The following GPM6B variants were observed in gnomAD, a reference collection of about 807,000 sequenced individuals.
GPM6B encodes the protein neuronal membrane glycoprotein M6-b.
In GPM6B, 4 loss-of-function variants were observed where a neutral mutation model predicts 27.2. The observed-to-expected ratio is 0.15, with a 90% CI of 0.07 to 0.34. The LOEUF (loss-of-function observed/expected upper bound fraction) is 0.34, where lower values mean the gene tolerates loss of function less well. GPM6B is among the 10% of genes least tolerant of loss of function. GPM6B has a pLI of 1.00. For synonymous variants in GPM6B, 124 were observed against 103.1 expected (o/e 1.20, Z -1.23); for missense variants, 183 against 261.9 (o/e 0.70, Z 2.08).
At chrX:13,775,508 G>A (rs888470196) in intron 7 of GPM6B, among the ~76,000 whole-genome samples, 1 of 112,493 alleles carries the variant, frequency 8.9e-6, no homozygotes, top group African/African-American at 3.2e-5. Flanking sequence ...CCCAAGCATA[G>A]TGCTGCAGTG....
rs952430649 is a variant in GPM6B, at chrX:13,784,054, A to C, written c.369-533T>G. The stretch of plus-strand genomic sequence containing the variant: ...TGTCTTTTGCACTGTGACTCCCACC[A>C]CACAAATAGTAGTAGGTCGAGTAGG... On this transcript the variant is annotated intron_variant, in intron 3 of 7. Transcript: ENST00000316715. 6.4e-5 allele frequency: 14 copies of C among 219,201 alleles called. No individual in the cohort carries two copies. The Admixed American group carries it at 8.2e-4, about 13-fold the overall frequency. 18.1% of individuals were successfully genotyped at this position (219,201 alleles called of 1,213,427 possible).
intron 1 of GPM6B, among the ~76,000 whole-genome samples, chrX:13,828,560 G>A (rs956997670): frequency 3.6e-5 from 4 of 111,797 alleles, no homozygotes; most frequent in African/African-American, 6.5e-5. Flanking sequence ...TGACTAATAC[G>A]CAAAGTCATC....
At position 13,771,445 on chromosome X, in the gene GPM6B, C is replaced by T. The variant is rs752969687; in HGVS notation, c.*1436G>A. 2.1e-4 allele frequency: 23 copies of T among 109,904 alleles called. No individual in the cohort carries two copies. Among genetic ancestry groups the T allele is most frequent in the African/African-American group, 7.0e-4 (21 of 30,212 alleles). 9.1% of individuals were successfully genotyped at this position (109,904 alleles called of 1,213,427 possible). ...TAGGCATTAACCAAAAAAGAGAATC[C>T]AAATGAAATATTATACTTGATGTTC... On this transcript the variant is annotated 3_prime_UTR_variant, in exon 8 of 8. Transcript: ENST00000316715.
At chrX:13,819,265 T>C (rs931414623), upstream of GPM6B, among the ~76,000 whole-genome samples, 1 of 112,541 alleles carries the variant, frequency 8.9e-6, no homozygotes, top group African/African-American at 3.2e-5. Context: ...TACCATTATA[T>C]CACTTTATAA....
rs758851689 is a variant in GPM6B, at chrX:13,771,613, G to A, written c.*1268C>T. 1 of 111,766 alleles carries A rather than the reference G, an allele frequency of 8.9e-6. No homozygotes were observed. The highest frequency in any genetic ancestry group is 9.6e-5 in the Admixed American group (1 of 10,469). The allele number at this position is 111,766 out of a possible 1,213,427, so 9.2% of individuals were successfully genotyped here. A position where few individuals can be genotyped will look rare whatever the true frequency, so the allele number is the denominator to read the frequency against. ...TACATAGTTAACCCTATAGTAAGCA[G>A]CCCCTTTGAAAAGCACTGATGCACC... On this transcript the variant is annotated 3_prime_UTR_variant, in exon 8 of 8. Transcript: ENST00000316715.
At chrX:13,920,288 AG>A (rs59381268) in intron 1 of GPM6B, among the ~76,000 whole-genome samples, 3,115 of 75,202 alleles carry the variant, frequency 0.041, 290 homozygotes, top group African/African-American at 0.1. Flanking sequence ...AAAAAAAAAA[AG>A]AAAGAAAGAA....
At chrX:13,801,918 T>G (rs373939834) in intron 2 of GPM6B, among the ~76,000 whole-genome samples, 80 of 111,026 alleles carry the variant, frequency 7.2e-4, no homozygotes, top group African/African-American at 2.5e-3. Context: ...AGCATTCCGT[T>G]TAGTACAAAA....
intron 1 of GPM6B, among the ~76,000 whole-genome samples, chrX:13,894,914 T>C (rs937991243): frequency 1.8e-5 from 2 of 112,121 alleles, no homozygotes; most frequent in Non-Finnish European, 3.8e-5. Flanking sequence ...TCTCTTATCC[T>C]CTCTGACAAC....
intron 1 of GPM6B, among the ~76,000 whole-genome samples, chrX:13,906,886 T>C (rs985127972): frequency 1.8e-5 from 2 of 112,095 alleles, no homozygotes; most frequent in East Asian, 5.6e-4. Flanking sequence ...AATTATGTGG[T>C]AGTTATGGGG....
chrX:13,899,015 A>G (rs762344030), intron 1 of GPM6B, among the ~76,000 whole-genome samples: 1 of 112,064 alleles, frequency 8.9e-6, no homozygotes, highest in Non-Finnish European at 1.9e-5. Flanking sequence ...ATAGGATGAA[A>G]ATGACTTCTT....
At chrX:13,871,942 G>A (rs1245603215) in intron 1 of GPM6B, among the ~76,000 whole-genome samples, 1 of 111,777 alleles carries the variant, frequency 8.9e-6, no homozygotes, top group Non-Finnish European at 1.9e-5. Context: ...TCTTCCAGGT[G>A]TGGTGGTCTT....
At chrX:13,848,814 AT>A (rs2049680601) in intron 1 of GPM6B, among the ~76,000 whole-genome samples, 1 of 112,670 alleles carries the variant, frequency 8.9e-6, no homozygotes, top group Non-Finnish European at 1.9e-5. Flanking sequence ...CTAAGCATCC[AT>A]CAACTGGTAC....
intron 2 of GPM6B, among the ~76,000 whole-genome samples, chrX:13,806,963 T>C (rs767832593): frequency 1.8e-5 from 2 of 111,723 alleles, no homozygotes; most frequent in South Asian, 7.5e-4. Flanking sequence ...GGAGGTTGGA[T>C]GTTCATACTG....
intron 1 of GPM6B, among the ~76,000 whole-genome samples, chrX:13,860,161 G>A (rs963474044): frequency 1.8e-5 from 2 of 112,263 alleles, no homozygotes; most frequent in Non-Finnish European, 3.8e-5. Flanking sequence ...ACACAGGAAG[G>A]AATTTTAGAA....
chrX:13,860,372 A>G (rs757334003), intron 1 of GPM6B, among the ~76,000 whole-genome samples: 46 of 110,750 alleles, frequency 4.2e-4, no homozygotes, highest in Admixed American at 3.8e-3. Context: ...AAGATTCAGT[A>G]TAAGAAATGG....
At chrX:13,835,377 G>A (rs1048955629) in intron 1 of GPM6B, among the ~76,000 whole-genome samples, 2 of 112,088 alleles carry the variant, frequency 1.8e-5, no homozygotes, top group African/African-American at 3.2e-5. Flanking sequence ...TGGCAAGCAC[G>A]GCTTCCTAGA....
intron 2 of GPM6B, among the ~76,000 whole-genome samples, chrX:13,786,673 G>GA (rs2048618385): frequency 9.1e-6 from 1 of 110,228 alleles, no homozygotes; most frequent in East Asian, 2.8e-4. Flanking sequence ...AAGAACAGAA[G>GA]AAAAAAACAA....
intron 1 of GPM6B, among the ~76,000 whole-genome samples, chrX:13,906,699 T>C (rs1003017869): frequency 8.9e-6 from 1 of 112,383 alleles, no homozygotes; most frequent in Non-Finnish European, 1.9e-5. Context: ...GTCTAGCCTA[T>C]ATGATCTTCA....
At chrX:13,862,323 C>T (rs943980188) in intron 1 of GPM6B, among the ~76,000 whole-genome samples, 3 of 111,671 alleles carry the variant, frequency 2.7e-5, no homozygotes, top group African/African-American at 9.8e-5. Flanking sequence ...AAACCACTGG[C>T]CCTTCTCTCT....
Sources: allele counts gnomAD v4.1 joint callset (sites outside exome capture counted in the v4.1 genomes callset), GRCh38; gene constraint gnomAD v4.1.1; transcripts MANE v1.5; gene names NCBI Gene and HGNC (gene_info 2026-07-23, HGNC 2026-07-21).